ADGRL3: variants seen among roughly 807,000 people sequenced by gnomAD.
The protein encoded by ADGRL3 is adhesion G protein-coupled receptor L3.
Under a neutral mutation model 153.5 loss-of-function variants are expected in ADGRL3, and 62 were observed. The observed-to-expected ratio is 0.40, with a 90% confidence interval of 0.33 to 0.50. The LOEUF is 0.50. ADGRL3 is among the 20% of genes least tolerant of loss of function. The pLI is 0.47. For synonymous variants in ADGRL3, 710 were observed against 672.5 expected, an observed-to-expected ratio of 1.06 and a Z score of -0.86; for missense variants, 1,641 against 1,859.4, an observed-to-expected ratio of 0.88 and a Z score of 2.16.
chr4:61,307,322 ATAT>A (rs1219479599), intron 1 of ADGRL3, among the ~76,000 whole-genome samples: 2 of 152,172 alleles, frequency 1.3e-5, no homozygotes, highest in Non-Finnish European at 2.9e-5. Flanking sequence ...CAATTCTGAG[ATAT>A]TATGTCTAAC....
intron 6 of ADGRL3, among the ~76,000 whole-genome samples, chr4:61,716,715 G>C (rs1424279438): frequency 6.6e-6 from 1 of 152,094 alleles, no homozygotes; most frequent in Non-Finnish European, 1.5e-5. Context: ...CGAGGGAGAA[G>C]ATTCATAAAA....
chr4:61,785,740 G>A (rs1351817755), intron 8 of ADGRL3, among the ~76,000 whole-genome samples: 2 of 152,122 alleles, frequency 1.3e-5, no homozygotes, highest in African/African-American at 4.8e-5. Flanking sequence ...TGGCAACTAG[G>A]CATACTGCAG....
At chr4:61,681,324 G>A (rs56909451) in intron 6 of ADGRL3, among the ~76,000 whole-genome samples, 33,658 of 151,868 alleles carry the variant, frequency 0.22, 3,893 homozygotes, top group East Asian at 0.34. Flanking sequence ...ACAATTTCAC[G>A]CACATTACAC....
intron 1 of ADGRL3, among the ~76,000 whole-genome samples, chr4:61,318,210 A>AAAC (rs1560467260): frequency 1.2e-4 from 16 of 136,460 alleles, no homozygotes; most frequent in Non-Finnish European, 1.7e-4. Flanking sequence ...AAAAAAAAAA[A>AAAC]AAAACACAAA....
chr4:62,016,411 C>G (rs2099212102), intron 21 of ADGRL3, among the ~76,000 whole-genome samples: 1 of 152,150 alleles, frequency 6.6e-6, no homozygotes, highest in African/African-American at 2.4e-5. Context: ...TCTTTAATCT[C>G]TTTGAAGGAT....
rs1332814798 is a variant in ADGRL3, at chr4:62,078,315, A to G, written c.*7407A>G. 1 of 151,914 alleles carries G rather than the reference A, an allele frequency of 6.6e-6. No individual in the cohort carries two copies. The highest frequency in any genetic ancestry group is 2.4e-5 in the African/African-American group (1 of 41,424). 9.4% of individuals were successfully genotyped at this position (151,914 alleles called of 1,614,324 possible). A position where few individuals can be genotyped will look rare whatever the true frequency, so the allele number is the denominator to read the frequency against. ...AAAGTCATGAGCTACAAACCTCAAT[A>G]AAAATATCAGTAAACAAGAAGTGAT... is the stretch of plus-strand genomic sequence containing the variant. On this transcript the variant is annotated 3_prime_UTR_variant, in exon 27 of 27. Coordinates refer to ENST00000683033, the MANE Select transcript of ADGRL3 (RefSeq NM_001387552.1).
At chr4:61,337,796 C>A (rs1023618120) in intron 1 of ADGRL3, among the ~76,000 whole-genome samples, 4 of 152,114 alleles carry the variant, frequency 2.6e-5, no homozygotes, top group African/African-American at 9.7e-5. Flanking sequence ...GCACATGAAT[C>A]TATTTATATT....
chr4:61,370,223 A>G (rs2096492823), intron 1 of ADGRL3, among the ~76,000 whole-genome samples: 1 of 150,558 alleles, frequency 6.6e-6, no homozygotes, highest in Non-Finnish European at 1.5e-5. Flanking sequence ...TTGTGTCTCT[A>G]TTTCCTTCAG....
At chr4:61,447,149 A>G (rs1216585149) in intron 2 of ADGRL3, among the ~76,000 whole-genome samples, 1 of 152,142 alleles carries the variant, frequency 6.6e-6, no homozygotes, top group Non-Finnish European at 1.5e-5. Flanking sequence ...TCTCATAAAC[A>G]CCAGGGGTCT....
intron 1 of ADGRL3, among the ~76,000 whole-genome samples, chr4:61,353,966 T>G (rs1190443753): frequency 6.6e-6 from 1 of 152,192 alleles, no homozygotes; most frequent in African/African-American, 2.4e-5. Context: ...TTTTCATTTT[T>G]CTATGTGTAC....
intron 2 of ADGRL3, among the ~76,000 whole-genome samples, chr4:61,433,368 A>ATTTT (rs775643745): frequency 7.5e-6 from 1 of 132,716 alleles, no homozygotes; most frequent in Non-Finnish European, 1.7e-5. Context: ...TTTTTTTTAA[A>ATTTT]AAAAAATCAG....
At chr4:61,859,734 CTA>C (rs553587452) in intron 9 of ADGRL3, among the ~76,000 whole-genome samples, 1 of 152,138 alleles carries the variant, frequency 6.6e-6, no homozygotes, top group African/African-American at 2.4e-5. Flanking sequence ...ATAACTGAGA[CTA>C]TGTGTCTGCG....
At chr4:61,952,459 A>G (rs1032210837) in intron 17 of ADGRL3, among the ~76,000 whole-genome samples, 2 of 151,596 alleles carry the variant, frequency 1.3e-5, no homozygotes, top group Non-Finnish European at 2.9e-5. Flanking sequence ...AGTCTGGGCA[A>G]CAGAGTGAGA....
chr4:61,456,355 A>ATC (rs2097736178), intron 2 of ADGRL3, among the ~76,000 whole-genome samples: 1 of 143,962 alleles, frequency 6.9e-6, no homozygotes, highest in South Asian at 2.1e-4. Flanking sequence ...AAGGAGATAT[A>ATC]TATAGAGATA....
At chr4:61,407,474 T>C (rs1349419775) in intron 2 of ADGRL3, among the ~76,000 whole-genome samples, 1 of 152,146 alleles carries the variant, frequency 6.6e-6, no homozygotes, top group Admixed American at 6.6e-5. Context: ...CAAACTTCAA[T>C]GTTGGTGGTT....
intron 3 of ADGRL3, among the ~76,000 whole-genome samples, 179 bp from the exon 4 acceptor site, chr4:61,517,136 G>A (rs980644409): frequency 2.3e-4 from 35 of 151,598 alleles, no homozygotes; most frequent in Non-Finnish European, 4.7e-4. Context: ...ATTATACTAG[G>A]GGCCAGGAGA....
Position 61,868,877 on chromosome 4 carries a change from C to A in ADGRL3, c.1481-23779C>A, listed in dbSNP as rs1365983532. Among the ~76,000 whole-genome samples, 12 of 152,242 alleles carry A rather than the reference C, an allele frequency of 7.9e-5. No individual in the cohort carries two copies. The South Asian group carries it at 2.5e-3, about 32-fold the overall frequency. ...CAACCCTAATTAAACTGCTTTCCAGCGATGCTATTAATTGTCCAAGTACTA... is the reference window on the plus strand; with the variant it reads ...CAACCCTAATTAAACTGCTTTCCAGAGATGCTATTAATTGTCCAAGTACTA... On this transcript the variant is annotated intron_variant, in intron 9 of 26. Transcript: ENST00000683033.
intron 25 of ADGRL3, among the ~76,000 whole-genome samples, chr4:62,057,045 A>G (rs1279032365): frequency 1.3e-5 from 2 of 152,170 alleles, no homozygotes; most frequent in African/African-American, 4.8e-5. Context: ...GTCTGAGGGC[A>G]GAGTAGAGTG....
intron 1 of ADGRL3, among the ~76,000 whole-genome samples, chr4:61,312,665 A>T (rs2150558221): frequency 6.6e-6 from 1 of 152,320 alleles, no homozygotes. Context: ...TGGAATTGCA[A>T]GTTAAACAAC....
Sources: allele counts gnomAD v4.1 joint callset (sites outside exome capture counted in the v4.1 genomes callset), GRCh38; gene constraint gnomAD v4.1.1; transcripts MANE v1.5; gene names NCBI Gene and HGNC (gene_info 2026-07-23, HGNC 2026-07-21).